Variants in UBE2E2 observed in about 807,000 individuals in gnomAD.
UBE2E2 encodes ubiquitin conjugating enzyme E2 E2, also known as ubiquitin-conjugating enzyme E2 E2.
A neutral mutation model predicts 24.7 loss-of-function variants in UBE2E2; 6 were observed. That is an observed-to-expected ratio of 0.24 (90% CI 0.13 to 0.48). UBE2E2 has a LOEUF of 0.48. Ranked by LOEUF, UBE2E2 falls within the 20% of genes least tolerant of loss-of-function variation. The probability of loss-of-function intolerance (pLI) is 0.99; values close to 1 mark genes in which losing one functional copy is unlikely to be tolerated. For synonymous variants in UBE2E2, 104 were observed against 83.6 expected (o/e 1.24, Z -1.33); for missense variants, 169 against 245.0 (o/e 0.69, Z 2.07).
At chr3:23,495,262 C>A (rs1699577535) in intron 3 of UBE2E2, among the ~76,000 whole-genome samples, 1 of 152,040 alleles carries the variant, frequency 6.6e-6, no homozygotes, top group South Asian at 2.1e-4. Flanking sequence ...GACTGAGAGC[C>A]AAATAAAACT....
chr3:23,346,822 G>A (rs954947914), intron 3 of UBE2E2, among the ~76,000 whole-genome samples: 5 of 152,170 alleles, frequency 3.3e-5, no homozygotes, highest in East Asian at 1.9e-4. Flanking sequence ...TGAAAACTTC[G>A]TTCATATATG....
At chr3:23,489,630 T>G (rs1699453448) in intron 3 of UBE2E2, among the ~76,000 whole-genome samples, 1 of 152,188 alleles carries the variant, frequency 6.6e-6, no homozygotes, top group African/African-American at 2.4e-5. Context: ...ACAACAATAG[T>G]TTCATGGGAT....
intron 3 of UBE2E2, among the ~76,000 whole-genome samples, chr3:23,397,451 C>T (rs1697105097): frequency 6.6e-6 from 1 of 152,100 alleles, no homozygotes; most frequent in Admixed American, 6.6e-5. Flanking sequence ...AGTGAACATC[C>T]ATTAACTGCC....
chr3:23,509,717 TCCCTCCC>T (rs930354426), intron 4 of UBE2E2, among the ~76,000 whole-genome samples: 1 of 122,966 alleles, frequency 8.1e-6, no homozygotes, highest in Non-Finnish European at 1.7e-5. Flanking sequence ...CCGAATGCTA[TCCCTCCC>T]CCCTCCCCCC....
rs952128953 is a variant in UBE2E2, at chr3:23,503,292, C to T, written c.360+3552C>T. On this transcript the variant is annotated intron_variant, in intron 4 of 5. Coordinates refer to ENST00000396703, the MANE Select transcript of UBE2E2 (RefSeq NM_152653.4). Reference sequence around the variant, plus strand: ...GCAACCTCCGCCCCCTGGATTCAAGCAGTTTTCCTGCCTCAGCCTCCCGAG... The same window carrying T: ...GCAACCTCCGCCCCCTGGATTCAAGTAGTTTTCCTGCCTCAGCCTCCCGAG... Among the ~76,000 whole-genome samples the T allele has an allele frequency of 4.6e-5, 7 of 151,976 alleles. No individual in the cohort carries two copies. In the East Asian group the frequency reaches 1.2e-3, roughly 26 times the overall value.
At chr3:23,367,822 A>G (rs1173520535) in intron 3 of UBE2E2, among the ~76,000 whole-genome samples, 1 of 152,084 alleles carries the variant, frequency 6.6e-6, no homozygotes, top group Non-Finnish European at 1.5e-5. Context: ...TGGGATCTGA[A>G]ACTACCTCCA....
intron 3 of UBE2E2, among the ~76,000 whole-genome samples, chr3:23,394,896 A>G (rs1214242661): frequency 6.6e-6 from 1 of 152,172 alleles, no homozygotes; most frequent in Non-Finnish European, 1.5e-5. Context: ...TGATTTTGCT[A>G]TTGTTACACC....
At position 23,237,190 on chromosome 3, in the gene UBE2E2, G is replaced by A. The variant is rs187731123; in HGVS notation, c.227+19878G>A. ...ACTCAGAGTAGTGCCTGGCATATAA[G>A]GGCTCAAAAATTGTTAGTTGTTGAT... On this transcript the variant is annotated intron_variant, in intron 3 of 5. Transcript: ENST00000396703. 6.0e-4 allele frequency among the ~76,000 whole-genome samples: 91 copies of A among 152,228 alleles called. 3 individuals are homozygous for A. The East Asian group carries it at 0.015, about 26-fold the overall frequency.
rs542798945 is a variant in UBE2E2 at position 23,267,570 on chromosome 3, AC to A, written c.227+50260del. 7.0e-3 allele frequency among the ~76,000 whole-genome samples: 1,067 copies of A among 152,146 alleles called. 13 individuals are homozygous for A. Among genetic ancestry groups the A allele is most frequent in the African/African-American group, 0.024 (1,005 of 41,516 alleles). On this transcript the variant is annotated intron_variant, in intron 3 of 5. Coordinates refer to ENST00000396703, the MANE Select transcript of UBE2E2 (RefSeq NM_152653.4). ...AAATTGTGGCAATAATCAATAGCTTACCAACCAAAAAGAGTCCAGGACCAGA... is the reference window on the plus strand; with the variant it reads ...AAATTGTGGCAATAATCAATAGCTTACAACCAAAAAGAGTCCAGGACCAGA...
intron 3 of UBE2E2, among the ~76,000 whole-genome samples, chr3:23,494,170 AT>A (rs1336154767): frequency 6.6e-6 from 1 of 152,206 alleles, no homozygotes; most frequent in Non-Finnish European, 1.5e-5. Context: ...AGCTTGAGAG[AT>A]AAGTGATCAT....
chr3:23,454,572 A>G (rs1473944931), intron 3 of UBE2E2, among the ~76,000 whole-genome samples: 1 of 152,228 alleles, frequency 6.6e-6, no homozygotes, highest in Non-Finnish European at 1.5e-5. Flanking sequence ...CTTACAGTAC[A>G]AGAAATACCT....
At chr3:23,521,656 T>C (rs1273649785) in intron 4 of UBE2E2, among the ~76,000 whole-genome samples, 3 of 152,338 alleles carry the variant, frequency 2.0e-5, no homozygotes, top group Non-Finnish European at 4.4e-5. Flanking sequence ...CCAGGATGGC[T>C]TTGAATGCGG....
intron 5 of UBE2E2, among the ~76,000 whole-genome samples, chr3:23,582,860 A>AGAGT (rs1553622747): frequency 2.6e-5 from 3 of 116,748 alleles, no homozygotes; most frequent in Non-Finnish European, 5.3e-5. Context: ...TATTCTGTTG[A>AGAGT]GTGTGTGTGT....
At chr3:23,435,111 A>C (rs1262641255) in intron 3 of UBE2E2, among the ~76,000 whole-genome samples, 1 of 152,212 alleles carries the variant, frequency 6.6e-6, no homozygotes, top group African/African-American at 2.4e-5. Flanking sequence ...TTCTTAAATA[A>C]AATCTGGCCT....
At chr3:23,540,175 T>C (rs1013482546) in intron 5 of UBE2E2, among the ~76,000 whole-genome samples, 2 of 152,136 alleles carry the variant, frequency 1.3e-5, no homozygotes, top group Non-Finnish European at 2.9e-5. Flanking sequence ...GCAACCCTCC[T>C]GCTTCAGCCT....
intron 3 of UBE2E2, among the ~76,000 whole-genome samples, chr3:23,400,194 A>C (rs1361532175): frequency 2.0e-5 from 3 of 152,222 alleles, no homozygotes; most frequent in African/African-American, 7.2e-5. Context: ...AGGATTGTCA[A>C]AATACCAAGC....
intron 3 of UBE2E2, among the ~76,000 whole-genome samples, chr3:23,415,532 A>G (rs1330496687): frequency 1.3e-5 from 2 of 152,156 alleles, no homozygotes; most frequent in Non-Finnish European, 2.9e-5. Flanking sequence ...ATACATGTAC[A>G]CATCATTGTG....
chr3:23,349,959 C>T (rs897106546), intron 3 of UBE2E2, among the ~76,000 whole-genome samples: 24 of 152,210 alleles, frequency 1.6e-4, no homozygotes, highest in African/African-American at 4.6e-4. Flanking sequence ...CCCTGACCCC[C>T]GAGCAGCCTA....
chr3:23,274,585 C>T (rs1698334232), intron 3 of UBE2E2, among the ~76,000 whole-genome samples: 1 of 151,904 alleles, frequency 6.6e-6, no homozygotes, highest in Non-Finnish European at 1.5e-5. Context: ...TGGTCTTGAA[C>T]TCCTGGGCTA....
Sources: gnomAD v4.1 joint callset for allele counts (sites outside exome capture counted in the v4.1 genomes callset) on GRCh38, gnomAD v4.1.1 for gene constraint, MANE v1.5 for transcripts, NCBI Gene and HGNC (gene_info 2026-07-23, HGNC 2026-07-21) for gene names.